The following NEDD9 variants were observed in gnomAD, a reference collection of about 807,000 sequenced individuals.
NEDD9 encodes neural precursor cell expressed, developmentally down-regulated 9, also known as enhancer of filamentation 1.
Under a neutral mutation model 76.6 loss-of-function variants are expected in NEDD9, and 26 were observed. That is an observed-to-expected ratio of 0.34 (90% CI 0.25 to 0.47). The LOEUF is 0.47. NEDD9 is among the 20% of genes least tolerant of loss of function. The pLI is 1.00. For synonymous variants in NEDD9, 392 were observed against 414.2 expected (o/e 0.95, Z 0.65); for missense variants, 937 against 1,058.5 (o/e 0.89, Z 1.59).
chr6:11,362,836 A>G (rs1214599890), intron 1 of NEDD9, among the ~76,000 whole-genome samples: 2 of 152,242 alleles, frequency 1.3e-5, no homozygotes, highest in Non-Finnish European at 2.9e-5. Context: ...TCTTGGATCT[A>G]TGGGGACAGA....
At chr6:11,260,714 G>T (rs1760091821) in intron 3 of NEDD9, among the ~76,000 whole-genome samples, 1 of 152,180 alleles carries the variant, frequency 6.6e-6, no homozygotes, top group South Asian at 2.1e-4. Flanking sequence ...CTGGACATCT[G>T]GGGTAAGGAT....
At chr6:11,286,528 A>G (rs1052452980) in intron 3 of NEDD9, among the ~76,000 whole-genome samples, 2 of 152,240 alleles carry the variant, frequency 1.3e-5, no homozygotes, top group Non-Finnish European at 2.9e-5. Flanking sequence ...AAATGTTTTT[A>G]GAATTTTATT....
chr6:11,323,991 G>A (rs1561835181), intron 2 of NEDD9, among the ~76,000 whole-genome samples: 2 of 152,224 alleles, frequency 1.3e-5, no homozygotes, highest in African/African-American at 2.4e-5. Flanking sequence ...TTTACCAAGA[G>A]GGTAGAGGGA....
chr6:11,227,765 AAG>A (rs1759346878), intron 1 of NEDD9, among the ~76,000 whole-genome samples: 1 of 151,816 alleles, frequency 6.6e-6, no homozygotes, highest in African/African-American at 2.4e-5. Flanking sequence ...ATTTGATTGA[AAG>A]AGGTCAATAA....
At chr6:11,364,878 T>C (rs770440836) in intron 1 of NEDD9, among the ~76,000 whole-genome samples, 8 of 152,154 alleles carry the variant, frequency 5.3e-5, no homozygotes, top group South Asian at 2.1e-4. Context: ...TAATAACTAT[T>C]ATGGTACAGT....
intron 1 of NEDD9, among the ~76,000 whole-genome samples, chr6:11,354,205 G>T (rs934496884): frequency 6.6e-6 from 1 of 152,182 alleles, no homozygotes; most frequent in Non-Finnish European, 1.5e-5. Context: ...GAGCTCTGGG[G>T]CTATTTATTC....
At chr6:11,331,772 G>C (rs895982852) in intron 2 of NEDD9, among the ~76,000 whole-genome samples, 1 of 152,154 alleles carries the variant, frequency 6.6e-6, no homozygotes, top group African/African-American at 2.4e-5. Context: ...AACCTCACGG[G>C]TAAGTTTGCA....
At chr6:11,297,780 T>G (rs1349315642) in intron 3 of NEDD9, among the ~76,000 whole-genome samples, 1 of 152,224 alleles carries the variant, frequency 6.6e-6, no homozygotes, top group Non-Finnish European at 1.5e-5. Flanking sequence ...ATTCTCATTC[T>G]CATATTGTAG....
intron 2 of NEDD9, among the ~76,000 whole-genome samples, chr6:11,326,435 G>A (rs1402266736): frequency 6.6e-6 from 1 of 152,162 alleles, no homozygotes; most frequent in African/African-American, 2.4e-5. Flanking sequence ...GCCCCATGTG[G>A]CAGACAAGGA....
intron 1 of NEDD9, among the ~76,000 whole-genome samples, chr6:11,345,950 C>A (rs760864699): frequency 6.6e-6 from 1 of 152,226 alleles, no homozygotes; most frequent in Non-Finnish European, 1.5e-5. Flanking sequence ...GCTCTGTTTG[C>A]GTAAAAGCTC....
intron 3 of NEDD9, among the ~76,000 whole-genome samples, chr6:11,255,133 T>C (rs1340567073): frequency 1.3e-5 from 2 of 152,104 alleles, no homozygotes; most frequent in Non-Finnish European, 2.9e-5. Flanking sequence ...GAGAGAAGGG[T>C]TCATGGAGAA....
chr6:11,233,594 G>A (rs1302035355), upstream of NEDD9: 3 of 500,362 alleles, frequency 6.0e-6, no homozygotes, highest in South Asian at 4.3e-5. Context: ...CCAGGAGAAC[G>A]AAAATGCCCA....
chr6:11,192,596 CT>C (rs34998457), intron 3 of NEDD9, 150 bp from the exon 4 acceptor site: 124 of 510,718 alleles, frequency 2.4e-4, no homozygotes, highest in Middle Eastern at 8.2e-4. Context: ...GATTTATTGC[CT>C]TTTTTTTTAA....
intron 2 of NEDD9, among the ~76,000 whole-genome samples, chr6:11,196,940 G>A (rs369301343): frequency 6.6e-6 from 1 of 152,110 alleles, no homozygotes; most frequent in Non-Finnish European, 1.5e-5. Flanking sequence ...CCTCTCCTCG[G>A]AGGAAAAGTG....
intron 1 of NEDD9, among the ~76,000 whole-genome samples, chr6:11,355,313 G>C (rs903754709): frequency 2.0e-4 from 30 of 152,088 alleles, no homozygotes; most frequent in African/African-American, 7.2e-4. Flanking sequence ...GGAAACCATA[G>C]TAATTTAGTA....
At chr6:11,226,427 G>A (rs148043003) in intron 1 of NEDD9, among the ~76,000 whole-genome samples, 1 of 152,270 alleles carries the variant, frequency 6.6e-6, no homozygotes, top group African/African-American at 2.4e-5. Context: ...CAGCCTATAT[G>A]TTCTTGCAGA....
At chr6:11,284,489 C>T (rs1014199076) in intron 3 of NEDD9, among the ~76,000 whole-genome samples, 1 of 151,508 alleles carries the variant, frequency 6.6e-6, no homozygotes, top group African/African-American at 2.4e-5. Context: ...TGGCGTGAAC[C>T]CGGGAGGTGG....
upstream of NEDD9, among the ~76,000 whole-genome samples, chr6:11,237,307 C>A (rs1759624651): frequency 6.6e-6 from 1 of 152,118 alleles, no homozygotes; most frequent in Non-Finnish European, 1.5e-5. The surrounding 1 kb of genome is among the most constrained non-coding windows in gnomAD (Gnocchi z 4.9). Context: ...TGTTGTATAC[C>A]TTAGAGGTGC....
rs189291484 is a variant in NEDD9, at chr6:11,198,146, C to T, written c.460-4454G>A. Among the ~76,000 whole-genome samples, 5 of 152,300 alleles carry T rather than the reference C, an allele frequency of 3.3e-5. No individual in the cohort carries two copies. The highest frequency in any genetic ancestry group is 9.6e-5 in the African/African-American group (4 of 41,554). ...GCGCCCTGTGTTGCCAGATCTTTCACGTTTTCAGAAGCCAGAAATTTGGAA... is the reference window on the plus strand; with the variant it reads ...GCGCCCTGTGTTGCCAGATCTTTCATGTTTTCAGAAGCCAGAAATTTGGAA... On this transcript the variant is annotated intron_variant, in intron 2 of 6. Transcript: ENST00000379446. This position sits in a 1 kb window ranked among gnomAD's most constrained non-coding sequence, Gnocchi z 4.7.
Sources: allele counts gnomAD v4.1 joint callset (sites outside exome capture counted in the v4.1 genomes callset), GRCh38; gene constraint gnomAD v4.1.1; non-coding constraint Gnocchi (gnomAD v3.1); transcripts MANE v1.5; gene names NCBI Gene and HGNC (gene_info 2026-07-23, HGNC 2026-07-21).